CHST11: variants seen among roughly 807,000 people sequenced by gnomAD.
The protein encoded by CHST11 is carbohydrate sulfotransferase 11, also known as C4S-1.
In CHST11, 9 loss-of-function variants were observed where a neutral mutation model predicts 30.4. The ratio of observed to expected loss-of-function variants is 0.30; its 90% CI spans 0.18 to 0.52. The LOEUF is 0.52. CHST11 is among the 20% of genes least tolerant of loss of function. The pLI, the probability that CHST11 is intolerant of heterozygous loss-of-function variation, is 0.97. For synonymous variants in CHST11, 152 were observed against 187.8 expected (o/e 0.81, Z 1.56); for missense variants, 348 against 460.6 (o/e 0.76, Z 2.24).
At chr12:104,591,993 T>C (rs996874504) in intron 1 of CHST11, among the ~76,000 whole-genome samples, 1 of 137,850 alleles carries the variant, frequency 7.3e-6, no homozygotes, top group African/African-American at 2.5e-5. Context: ...AGTGTGTCCT[T>C]GGACAGATCA....
chr12:104,757,867 T>C lies in CHST11; in HGVS notation c.*64T>C. 1 of 1,426,782 alleles carries C rather than the reference T, an allele frequency of 7.0e-7. No homozygotes were observed. The highest frequency in any genetic ancestry group is 9.5e-7 in the Non-Finnish European group (1 of 1,049,194). 88.4% of individuals were successfully genotyped at this position (1,426,782 alleles called of 1,614,324 possible). ...TAAGATTTTTATTTGTCAAAAGAAT[T>C]ATATGGATATTGGGTTATTTTGTAA... is the stretch of plus-strand genomic sequence containing the variant. On this transcript the variant is annotated 3_prime_UTR_variant, in exon 3 of 3. Transcript: ENST00000303694. This position sits in a 1 kb window ranked among gnomAD's most constrained non-coding sequence, Gnocchi z 6.5.
chr12:104,670,469 A>C (rs909740424), intron 2 of CHST11, among the ~76,000 whole-genome samples: 3 of 148,644 alleles, frequency 2.0e-5, no homozygotes, highest in Non-Finnish European at 4.4e-5. Flanking sequence ...ATATGTTCAG[A>C]CCCACACACA....
intron 2 of CHST11, among the ~76,000 whole-genome samples, chr12:104,647,598 T>C (rs140121721): frequency 0.014 from 2,179 of 152,308 alleles, 58 homozygotes; most frequent in African/African-American, 0.049. Context: ...TGTGAGTACT[T>C]TTTACTTTGC....
chr12:104,756,443 C>T (rs939721800), intron 2 of CHST11, among the ~76,000 whole-genome samples: 4 of 152,066 alleles, frequency 2.6e-5, no homozygotes, highest in Non-Finnish European at 1.5e-5. Context: ...TCTGCCCTGG[C>T]ACCTCCTAGA....
At chr12:104,725,431 T>C (rs1256386539) in intron 2 of CHST11, among the ~76,000 whole-genome samples, 1 of 152,152 alleles carries the variant, frequency 6.6e-6, no homozygotes, top group African/African-American at 2.4e-5. Flanking sequence ...TGGGTCTCAG[T>C]TTTCCCAGCT....
chr12:104,502,598 A>T (rs1196950209), intron 1 of CHST11, among the ~76,000 whole-genome samples: 1 of 152,184 alleles, frequency 6.6e-6, no homozygotes, highest in Non-Finnish European at 1.5e-5. Flanking sequence ...CATCTGAGAA[A>T]CAAGGTGATC....
intron 2 of CHST11, among the ~76,000 whole-genome samples, chr12:104,742,652 G>T (rs1330949580): frequency 9.2e-5 from 14 of 152,308 alleles, no homozygotes; most frequent in South Asian, 2.1e-4. Context: ...GCCTCCGGAA[G>T]CCCAAACAGC....
At chr12:104,518,486 C>A (rs2038046549) in intron 1 of CHST11, among the ~76,000 whole-genome samples, 1 of 152,110 alleles carries the variant, frequency 6.6e-6, no homozygotes, top group Admixed American at 6.5e-5. Context: ...TGATAAAGAC[C>A]TAGGCAAATA....
chr12:104,558,744 G>T (rs1023217684), intron 1 of CHST11, among the ~76,000 whole-genome samples: 1 of 151,896 alleles, frequency 6.6e-6, no homozygotes, highest in African/African-American at 2.4e-5. Flanking sequence ...TCAACATGTT[G>T]CCAAGGCTGG....
intron 2 of CHST11, among the ~76,000 whole-genome samples, chr12:104,700,966 G>T (rs1028950007): frequency 2.0e-5 from 3 of 152,126 alleles, no homozygotes; most frequent in African/African-American, 7.2e-5. Context: ...AAATTAGCCA[G>T]GCATGGTGGT....
At chr12:104,649,157 T>G (rs1592816355) in intron 2 of CHST11, among the ~76,000 whole-genome samples, 1 of 150,812 alleles carries the variant, frequency 6.6e-6, no homozygotes. Flanking sequence ...GGGCTAGGGG[T>G]GGGAAAATGA....
intron 2 of CHST11, among the ~76,000 whole-genome samples, chr12:104,749,000 C>T (rs2040410112): frequency 2.0e-5 from 3 of 152,136 alleles, no homozygotes; most frequent in Admixed American, 6.5e-5. Context: ...AGGGACTGGT[C>T]GGCTAAATAT....
intron 2 of CHST11, among the ~76,000 whole-genome samples, chr12:104,723,309 C>T (rs369507204): frequency 2.0e-5 from 3 of 152,256 alleles, no homozygotes; most frequent in Admixed American, 6.5e-5. Context: ...CCGACTTGCC[C>T]GGGATCACAC....
intron 1 of CHST11, 55 bp from the exon 2 acceptor site, chr12:104,601,851 C>A: frequency 7.0e-7 from 1 of 1,428,166 alleles, no homozygotes; most frequent in Non-Finnish European, 9.8e-7. Flanking sequence ...TTTTCTTTGA[C>A]AGACAACAAA....
chr12:104,728,253 G>A (rs970824806), intron 2 of CHST11, among the ~76,000 whole-genome samples: 12 of 152,096 alleles, frequency 7.9e-5, no homozygotes, highest in Admixed American at 2.6e-4. Flanking sequence ...GGTCTCTTCC[G>A]GCTTGACCTT....
intron 1 of CHST11, among the ~76,000 whole-genome samples, chr12:104,479,347 C>CT (rs979441885): frequency 2.6e-5 from 4 of 152,084 alleles, no homozygotes; most frequent in African/African-American, 9.7e-5. Flanking sequence ...GAGAGTACTT[C>CT]TTTTTTCCAG....
intron 1 of CHST11, among the ~76,000 whole-genome samples, chr12:104,484,211 G>A (rs927477088): frequency 1.3e-5 from 2 of 152,140 alleles, no homozygotes; most frequent in African/African-American, 4.8e-5. Context: ...GCCAAGGAGG[G>A]AAAGACTGGG....
chr12:104,737,465 G>A (rs2040310670), intron 2 of CHST11, among the ~76,000 whole-genome samples: 1 of 152,230 alleles, frequency 6.6e-6, no homozygotes, highest in South Asian at 2.1e-4. Context: ...CTGAGATGGT[G>A]ACTGTCAAGT....
intron 1 of CHST11, among the ~76,000 whole-genome samples, chr12:104,584,307 A>C (rs2038780530): frequency 7.2e-6 from 1 of 139,644 alleles, no homozygotes; most frequent in Non-Finnish European, 1.5e-5. Context: ...CCCAGGGTGG[A>C]GTGCAGTGGT....
Sources: gnomAD v4.1 joint callset for allele counts (sites outside exome capture counted in the v4.1 genomes callset) on GRCh38, gnomAD v4.1.1 for gene constraint, Gnocchi (gnomAD v3.1) non-coding constraint, MANE v1.5 for transcripts, NCBI Gene and HGNC (gene_info 2026-07-23, HGNC 2026-07-21) for gene names.